The following RIMBP2 variants were observed in gnomAD, a reference collection of about 807,000 sequenced individuals.
RIMBP2 encodes the protein RIMS-binding protein 2.
In RIMBP2, 48 loss-of-function variants were observed where a neutral mutation model predicts 118.6. The observed-to-expected ratio is 0.40, with a 90% CI of 0.32 to 0.51. RIMBP2 has a LOEUF of 0.51. Ranked by LOEUF, RIMBP2 falls within the 20% of genes least tolerant of loss-of-function variation. The pLI is 0.41. For missense variants in RIMBP2, 1,551 were observed against 1,768.3 expected (o/e 0.88, Z 2.20); for synonymous variants, 762 against 742.9 (o/e 1.03, Z -0.42).
chr12:130,478,908 T>C lies in RIMBP2; in HGVS notation c.102+4A>G. The C allele has an allele frequency of 6.2e-7, 1 of 1,610,902 alleles. No individual in the cohort carries two copies. The highest frequency in any genetic ancestry group is 8.5e-7 in the Non-Finnish European group (1 of 1,178,094). On this transcript the variant is annotated splice_donor_region_variant and intron_variant, in intron 5 of 22. Coordinates refer to ENST00000690449, the MANE Select transcript of RIMBP2 (RefSeq NM_001393629.1). ...CACGCCGCGCCCGGCTGCCCGCCGC[T>C]TACCTTCTGCAGAAGGTCAATTTCC...
chr12:130,634,278 T>A (rs980516843), intron 1 of RIMBP2, among the ~76,000 whole-genome samples: 1 of 152,090 alleles, frequency 6.6e-6, no homozygotes, highest in African/African-American at 2.4e-5. Flanking sequence ...TTGAGCTGTA[T>A]ACATGGAAAT....
At chr12:130,559,597 G>A (rs911545887) in intron 2 of RIMBP2, among the ~76,000 whole-genome samples, 7 of 152,150 alleles carry the variant, frequency 4.6e-5, no homozygotes, top group East Asian at 1.9e-4. Context: ...ACACCTTGGC[G>A]ATGGGGAACC....
rs563195638 is a variant in RIMBP2, at chr12:130,578,519, A to C, written c.-217+49803T>G. ...TGCACAGACCTGTTCTCCTGGCCCCAGTCGTACATGCCTGTGTTCTGTTTC... is the reference window on the plus strand; with the variant it reads ...TGCACAGACCTGTTCTCCTGGCCCCCGTCGTACATGCCTGTGTTCTGTTTC... On this transcript the variant is annotated intron_variant, in intron 2 of 22. Transcript: ENST00000690449. This position sits in a 1 kb window ranked among gnomAD's most constrained non-coding sequence, Gnocchi z 4.1. 1.3e-5 allele frequency among the ~76,000 whole-genome samples: 2 copies of C among 152,196 alleles called. No homozygotes were observed. The highest frequency in any genetic ancestry group is 2.9e-5 in the Non-Finnish European group (2 of 68,032).
At chr12:130,653,457 A>AGGGTGCAGCTCCCG (rs1566429707) in intron 1 of RIMBP2, among the ~76,000 whole-genome samples, 1 of 152,082 alleles carries the variant, frequency 6.6e-6, no homozygotes, top group Non-Finnish European at 1.5e-5. Flanking sequence ...TGCAGCTCCC[A>AGGGTGCAGCTCCCG]CGGCTGCTCT....
intron 1 of RIMBP2, among the ~76,000 whole-genome samples, chr12:130,641,715 G>A (rs1411964726): frequency 6.6e-6 from 1 of 152,174 alleles, no homozygotes; most frequent in Non-Finnish European, 1.5e-5. Context: ...TGGCCGTGCT[G>A]AGAGCACTCC....
Position 130,412,762 on chromosome 12 carries a change from C to G in RIMBP2, c.3446G>C (p.Gly1149Ala), listed in dbSNP as rs148857930. 2.0e-4 allele frequency: 322 copies of G among 1,613,412 alleles called. 2 individuals are homozygous for G. Among genetic ancestry groups the G allele is most frequent in the Non-Finnish European group, 3.6e-5 (42 of 1,179,840 alleles). ...GGCACAGGTTTCCCCACGGTAGAAT[C>G]CATCAGCGTCTTTATCACCATAAAC... ...IKVYGDKDAD[G>A]FYRGETCARL... The change falls in exon 19 of 23, where the codon GGA (glycine) becomes GCA (alanine). Residue 1149 changes from glycine (G) to alanine (A), a missense_variant. Gly to Ala is a moderately conservative substitution (Grantham distance 60). Coordinates refer to ENST00000690449, the MANE Select transcript of RIMBP2 (RefSeq NM_001393629.1).
At chr12:130,579,967 G>A (rs1277793338) in intron 2 of RIMBP2, among the ~76,000 whole-genome samples, 1 of 150,366 alleles carries the variant, frequency 6.7e-6, no homozygotes, top group Non-Finnish European at 1.5e-5. Flanking sequence ...GCGATCACCT[G>A]AGGTCAGGAG....
At chr12:130,535,923 G>A (rs2054038219) in intron 2 of RIMBP2, among the ~76,000 whole-genome samples, 2 of 151,794 alleles carry the variant, frequency 1.3e-5, no homozygotes, top group Non-Finnish European at 2.9e-5. Context: ...GGGACTACAG[G>A]TATGCACCAC....
chr12:130,460,632 G>A (rs541914238), intron 6 of RIMBP2, among the ~76,000 whole-genome samples: 74 of 152,244 alleles, frequency 4.9e-4, no homozygotes, highest in African/African-American at 1.5e-3. Context: ...GCGTACTGGC[G>A]TTATCCTTCA....
At chr12:130,633,041 G>A (rs1341093842) in intron 1 of RIMBP2, among the ~76,000 whole-genome samples, 1 of 152,110 alleles carries the variant, frequency 6.6e-6, no homozygotes, top group Non-Finnish European at 1.5e-5. Flanking sequence ...AGGCATAGAC[G>A]CAGTTCATTT....
chr12:130,422,963 A>T lies in RIMBP2; in HGVS notation c.3130-402T>A, dbSNP rs1352941698. Among the ~76,000 whole-genome samples, 2 of 152,168 alleles carry T rather than the reference A, an allele frequency of 1.3e-5. No individual in the cohort carries two copies. Among genetic ancestry groups the T allele is most frequent in the Non-Finnish European group, 2.9e-5 (2 of 68,024 alleles). ...CCCAGCTGTCACGAAAGTGGGGAAG[A>T]TGTTGCAGTTCCTCCTGTCCTGCTT... On this transcript the variant is annotated intron_variant, in intron 16 of 22. Transcript: ENST00000690449. The surrounding 1 kb of genome is among the most constrained non-coding windows in gnomAD (Gnocchi z 5.2).
intron 1 of RIMBP2, among the ~76,000 whole-genome samples, chr12:130,642,375 C>T (rs1027140974): frequency 2.0e-5 from 3 of 152,198 alleles, no homozygotes; most frequent in Non-Finnish European, 2.9e-5. Flanking sequence ...ACCTCCACCT[C>T]CCGGGTTCAA....
At chr12:130,400,232 G>T (rs1194797701) in intron 21 of RIMBP2, among the ~76,000 whole-genome samples, 2 of 152,188 alleles carry the variant, frequency 1.3e-5, no homozygotes, top group African/African-American at 2.4e-5. Context: ...AGACGGTGGG[G>T]ACCTGGTGGT....
chr12:130,473,338 G>A (rs912000447), intron 5 of RIMBP2, among the ~76,000 whole-genome samples: 7 of 152,246 alleles, frequency 4.6e-5, no homozygotes, highest in Admixed American at 6.5e-5. Context: ...TGGAGCTCCC[G>A]ACGCTGGAGG....
In RIMBP2 at chr12:130,446,499, C is replaced by T. The variant is rs1049572057; in HGVS notation, c.582-1230G>A. 1.2e-4 allele frequency among the ~76,000 whole-genome samples: 18 copies of T among 152,176 alleles called. No individual in the cohort carries two copies. The highest frequency in any genetic ancestry group is 3.6e-4 in the African/African-American group (15 of 41,430). On this transcript the variant is annotated intron_variant, in intron 9 of 22. Coordinates refer to ENST00000690449, the MANE Select transcript of RIMBP2 (RefSeq NM_001393629.1). The surrounding 1 kb of genome is among the most constrained non-coding windows in gnomAD (Gnocchi z 4.1). ...GCGCAGTTTTAACCACACCAGGTCA[C>T]GTGGCCCCTCATGGTCAGGGTGCAG...
At chr12:130,449,208 G>A (rs920765779) in intron 9 of RIMBP2, among the ~76,000 whole-genome samples, 5 of 152,216 alleles carry the variant, frequency 3.3e-5, no homozygotes, top group Non-Finnish European at 7.3e-5. Context: ...AAGAAATGGG[G>A]GTGAACTGCT....
Position 130,620,598 on chromosome 12 carries a change from G to T in RIMBP2, c.-217+7724C>A, listed in dbSNP as rs958705218. On this transcript the variant is annotated intron_variant, in intron 2 of 22. Transcript: ENST00000690449. The surrounding 1 kb of genome is among the most constrained non-coding windows in gnomAD (Gnocchi z 5.3). Reference sequence around the variant, plus strand: ...GGGCTGCTCCTCAGGTCACAGGCAGGCTCTGCCCGTGCCTGTCCCCGGCTT... The same window carrying T: ...GGGCTGCTCCTCAGGTCACAGGCAGTCTCTGCCCGTGCCTGTCCCCGGCTT... 6.6e-6 allele frequency among the ~76,000 whole-genome samples: 1 copy of T among 152,138 alleles called. No homozygotes were observed. Among genetic ancestry groups the T allele is most frequent in the Admixed American group, 6.5e-5 (1 of 15,278 alleles).
intron 7 of RIMBP2, among the ~76,000 whole-genome samples, chr12:130,452,153 G>A (rs767245240): frequency 7.9e-5 from 12 of 152,146 alleles, no homozygotes; most frequent in Admixed American, 1.3e-4. Flanking sequence ...CAAGCTCTCC[G>A]CTGCTGGGAA....
chr12:130,525,603 C>T lies in RIMBP2; in HGVS notation c.-216-7686G>A, dbSNP rs576367569. ...GCCCAGTCAAGGCTGAGGGTGGTAA[C>T]GTTCATGGGGGCATTGGCAGGTGCA... is the stretch of plus-strand genomic sequence containing the variant. On this transcript the variant is annotated intron_variant, in intron 2 of 22. Transcript: ENST00000690449. This position sits in a 1 kb window ranked among gnomAD's most constrained non-coding sequence, Gnocchi z 4.4. Among the ~76,000 whole-genome samples, 76 of 152,138 alleles carry T rather than the reference C, an allele frequency of 5.0e-4. No individual in the cohort carries two copies. The highest frequency in any genetic ancestry group is 1.7e-3 in the African/African-American group (71 of 41,502).
Sources: allele counts gnomAD v4.1 joint callset (sites outside exome capture counted in the v4.1 genomes callset), GRCh38; gene constraint gnomAD v4.1.1; non-coding constraint Gnocchi (gnomAD v3.1); transcripts MANE v1.5; gene names NCBI Gene and HGNC (gene_info 2026-07-23, HGNC 2026-07-21).